The following COL23A1 variants were observed in gnomAD, a reference collection of about 807,000 sequenced individuals.
The protein encoded by COL23A1 is collagen type XXIII alpha 1 chain, also known as collagen alpha-1(XXIII) chain.
Under a neutral mutation model 99.3 loss-of-function variants are expected in COL23A1, and 97 were observed. That is an observed-to-expected ratio of 0.98 (90% CI 0.83 to 1.16). The LOEUF (loss-of-function observed/expected upper bound fraction) is 1.16. COL23A1 is among the 50% of genes most tolerant of loss of function. The pLI, the probability that COL23A1 is intolerant of heterozygous loss-of-function variation, is 0.00. For missense variants in COL23A1, 762 were observed against 757.4 expected (o/e 1.01, Z -0.07); for synonymous variants, 320 against 308.2 (o/e 1.04, Z -0.40).
chr5:178,358,166 AATGTGT>A (rs1343588026), intron 2 of COL23A1, among the ~76,000 whole-genome samples: 2 of 136,228 alleles, frequency 1.5e-5, no homozygotes, highest in African/African-American at 2.8e-5. Context: ...GTGTATGTCT[AATGTGT>A]ATGTGTATGT....
intron 2 of COL23A1, among the ~76,000 whole-genome samples, chr5:178,536,600 CT>C (rs1361200464): frequency 6.6e-6 from 1 of 152,230 alleles, no homozygotes; most frequent in East Asian, 1.9e-4. Context: ...CCTCCCAAGC[CT>C]GATGGCCTCA....
rs542957622 is a variant in COL23A1 at position 178,527,406 on chromosome 5, G to C, written c.361+33276C>G. On this transcript the variant is annotated intron_variant, in intron 2 of 28. Transcript: ENST00000390654. ...TCCATCTGTCTGTCCTGAGATCAGC[G>C]GTTGACCCCCTCATCTCTCTTCCCT... 6.6e-5 allele frequency among the ~76,000 whole-genome samples: 10 copies of C among 152,192 alleles called. No individual in the cohort carries two copies. The South Asian group carries it at 2.1e-3, about 32-fold the overall frequency.
chr5:178,386,961 T>C (rs139843428), intron 2 of COL23A1, among the ~76,000 whole-genome samples: 1 of 152,230 alleles, frequency 6.6e-6, no homozygotes, highest in East Asian at 1.9e-4. Flanking sequence ...AATATTGCAC[T>C]ATTAGGATGG....
At chr5:178,534,383 G>C (rs1760817425) in intron 2 of COL23A1, among the ~76,000 whole-genome samples, 1 of 152,172 alleles carries the variant, frequency 6.6e-6, no homozygotes, top group Non-Finnish European at 1.5e-5. Context: ...TTCACGGTGA[G>C]GATTTTGCTG....
intron 2 of COL23A1, among the ~76,000 whole-genome samples, chr5:178,457,131 T>C (rs73338622): frequency 0.046 from 7,052 of 152,316 alleles, 588 homozygotes; most frequent in African/African-American, 0.16. Flanking sequence ...TCTCTTTCAC[T>C]ATCTCACTTC....
intron 2 of COL23A1, among the ~76,000 whole-genome samples, chr5:178,486,224 C>T (rs1347195305): frequency 2.0e-5 from 3 of 152,122 alleles, no homozygotes; most frequent in East Asian, 3.9e-4. Flanking sequence ...TGGGAGTGTT[C>T]GACAAGATTC....
chr5:178,323,009 T>G (rs986377461), intron 2 of COL23A1, among the ~76,000 whole-genome samples: 4 of 152,116 alleles, frequency 2.6e-5, no homozygotes, highest in Admixed American at 2.6e-4. Flanking sequence ...GTCTGGAAAC[T>G]TGGCTCTTTC....
Position 178,460,378 on chromosome 5 carries a change from C to T in COL23A1, c.361+100304G>A, listed in dbSNP as rs567494216. ...TGCCCATCCCAGTAGGATGGACCAG[C>T]CGTCTAGCCACCGAGACAGGGCAGT... is the stretch of plus-strand genomic sequence containing the variant. On this transcript the variant is annotated intron_variant, in intron 2 of 28. Coordinates refer to ENST00000390654, the MANE Select transcript of COL23A1 (RefSeq NM_173465.4). Among the ~76,000 whole-genome samples the T allele has an allele frequency of 7.1e-4, 106 of 150,226 alleles. 1 individual carries two copies. Among genetic ancestry groups the T allele is most frequent in the Middle Eastern group, 3.4e-3 (1 of 290 alleles).
chr5:178,306,884 C>T lies in COL23A1; in HGVS notation c.397G>A (p.Gly133Ser), dbSNP rs767871100. 86 of 1,544,434 alleles carry T rather than the reference C, an allele frequency of 5.6e-5. No individual in the cohort carries two copies. The highest frequency in any genetic ancestry group is 7.5e-5 in the Non-Finnish European group (86 of 1,145,064). ...AAAACCTGGGACTCACCAGGGTCGC[C>T]TCTTCTCCCAGGCTTGCCGCGCCGT... is the stretch of plus-strand genomic sequence containing the variant. The part of the protein sequence containing the change: ...PGRRGKPGRR[G>S]DPGPPGQSGR... Residue 133 changes from glycine (G) to serine (S), a missense_variant, in exon 3 of 29, where the codon GGC (glycine) becomes AGC (serine). By Grantham distance (56) the Gly-to-Ser change is moderately conservative (BLOSUM62 0). Coordinates refer to ENST00000390654, the MANE Select transcript of COL23A1 (RefSeq NM_173465.4). This position sits in a 1 kb window ranked among gnomAD's most constrained non-coding sequence, Gnocchi z 4.1.
At position 178,340,465 on chromosome 5, in the gene COL23A1, C is replaced by A. The variant is rs1000210492; in HGVS notation, c.362-33546G>T. 2.0e-5 allele frequency among the ~76,000 whole-genome samples: 3 copies of A among 152,170 alleles called. No homozygotes were observed. The highest frequency in any genetic ancestry group is 4.8e-5 in the African/African-American group (2 of 41,440). ...TCCACACCACGACTCCAGCTACACT[C>A]CAGCCTTGAAGGATCTGAAGCCCAC... On this transcript the variant is annotated intron_variant, in intron 2 of 28. Coordinates refer to ENST00000390654, the MANE Select transcript of COL23A1 (RefSeq NM_173465.4). The surrounding 1 kb of genome is among the most constrained non-coding windows in gnomAD (Gnocchi z 4.7).
chr5:178,573,378 T>G (rs1485756118), intron 1 of COL23A1, among the ~76,000 whole-genome samples: 3 of 152,322 alleles, frequency 2.0e-5, no homozygotes, highest in African/African-American at 7.2e-5. Flanking sequence ...AAAGGCCAAT[T>G]GTGAGAGCGT....
intron 2 of COL23A1, among the ~76,000 whole-genome samples, chr5:178,403,861 T>C (rs1283775156): frequency 7.2e-5 from 11 of 152,106 alleles, no homozygotes. Flanking sequence ...GTGAGCCTTT[T>C]GGGGTGGCCC....
intron 2 of COL23A1, among the ~76,000 whole-genome samples, chr5:178,349,270 G>A (rs1443906942): frequency 6.6e-6 from 1 of 152,188 alleles, no homozygotes; most frequent in African/African-American, 2.4e-5. Flanking sequence ...AGCTGGGTGA[G>A]GGGAACCAGA....
rs149288978 is a variant in COL23A1 at position 178,332,118 on chromosome 5, C to T, written c.362-25199G>A. Among the ~76,000 whole-genome samples the T allele has an allele frequency of 5.4e-3, 824 of 152,304 alleles. 8 individuals carry two copies. Among genetic ancestry groups the T allele is most frequent in the African/African-American group, 0.019 (789 of 41,570 alleles). On this transcript the variant is annotated intron_variant, in intron 2 of 28. Transcript: ENST00000390654. ...CTACCCCAGGGTGCAAAGTGAGTGG[C>T]GTGGCTAGATCCCTGCTGGTGACAC...
chr5:178,519,615 G>A lies in COL23A1; in HGVS notation c.361+41067C>T, dbSNP rs142158905. On this transcript the variant is annotated intron_variant, in intron 2 of 28. Coordinates refer to ENST00000390654, the MANE Select transcript of COL23A1 (RefSeq NM_173465.4). ...TTTTGAGACATTTTCCTAGCTGGAT[G>A]CATCTCACAGGTGTCAGTTTGCAAA... is the stretch of plus-strand genomic sequence containing the variant. Among the ~76,000 whole-genome samples, 34 of 152,338 alleles carry A rather than the reference G, an allele frequency of 2.2e-4. No individual in the cohort carries two copies. The East Asian group carries it at 6.2e-3, about 28-fold the overall frequency.
At chr5:178,467,961 G>A (rs1455074008) in intron 2 of COL23A1, among the ~76,000 whole-genome samples, 6 of 152,156 alleles carry the variant, frequency 3.9e-5, no homozygotes, top group South Asian at 2.1e-4. Context: ...GCCCCAACAG[G>A]AGCCTTTCTC....
At chr5:178,262,141 G>T (rs1765663540) in intron 10 of COL23A1, 76 bp downstream of exon 10, 2 of 1,458,740 alleles carry the variant, frequency 1.4e-6, no homozygotes. Flanking sequence ...CTGTCGGCGT[G>T]TGTGGGAAAG....
chr5:178,377,446 G>A (rs1763135334), intron 2 of COL23A1, among the ~76,000 whole-genome samples: 1 of 152,230 alleles, frequency 6.6e-6, no homozygotes, highest in Non-Finnish European at 1.5e-5. Context: ...GCATTCGGCA[G>A]TCAGTCCCGA....
chr5:178,361,213 C>A (rs535250833), intron 2 of COL23A1, among the ~76,000 whole-genome samples: 1 of 152,304 alleles, frequency 6.6e-6, no homozygotes, highest in South Asian at 2.1e-4. Flanking sequence ...CCACTCTTCC[C>A]TGCCATAAGG....
Sources: gnomAD v4.1 joint callset for allele counts (sites outside exome capture counted in the v4.1 genomes callset) on GRCh38, gnomAD v4.1.1 for gene constraint, Gnocchi (gnomAD v3.1) non-coding constraint, MANE v1.5 for transcripts, NCBI Gene and HGNC (gene_info 2026-07-23, HGNC 2026-07-21) for gene names.